Variants in PSMC2 observed in about 807,000 individuals in gnomAD.
The protein encoded by PSMC2 is 26S proteasome regulatory subunit 7.
A neutral mutation model predicts 53.3 loss-of-function variants in PSMC2; 7 were observed. The observed-to-expected ratio is 0.13, with a 90% CI of 0.07 to 0.25. The LOEUF is 0.25. PSMC2 is among the 10% of genes least tolerant of loss of function. PSMC2 has a pLI of 1.00. For synonymous variants in PSMC2, 169 were observed against 183.9 expected (o/e 0.92, Z 0.66); for missense variants, 241 against 544.0 (o/e 0.44, Z 5.54).
At chr7:103,358,986 AT>A (rs550195195) in intron 4 of PSMC2, among the ~76,000 whole-genome samples, 10,208 of 143,022 alleles carry the variant, frequency 0.071, 374 homozygotes, top group South Asian at 0.13. Flanking sequence ...TAGCTTGTGA[AT>A]TTTTTTTTTT....
At chr7:103,357,938 G>T (rs1820136840) in intron 4 of PSMC2, among the ~76,000 whole-genome samples, 1 of 152,010 alleles carries the variant, frequency 6.6e-6, no homozygotes, top group Non-Finnish European at 1.5e-5. Flanking sequence ...GTTTTTCCCA[G>T]CACCTTCTGA....
intron 1 of PSMC2, among the ~76,000 whole-genome samples, chr7:103,350,574 G>C (rs991770545): frequency 6.6e-6 from 1 of 152,052 alleles, no homozygotes; most frequent in Non-Finnish European, 1.5e-5. Context: ...TGCAGGCTGG[G>C]AACTCCTGGG....
Position 103,368,859 on chromosome 7 carries a change from A to G in PSMC2, c.*805A>G, listed in dbSNP as rs1405804647. 1 of 152,210 alleles carries G rather than the reference A, an allele frequency of 6.6e-6. No individual in the cohort carries two copies. The highest frequency in any genetic ancestry group is 1.5e-5 in the Non-Finnish European group (1 of 68,040). 9.4% of individuals were successfully genotyped at this position (152,210 alleles called of 1,614,324 possible). ...TTACAAATTACTTTAAAATTTTGGT[A>G]AAGTTTCTGTTAGGCTTCTGGTCTA... On this transcript the variant is annotated 3_prime_UTR_variant, in exon 12 of 12. Coordinates refer to ENST00000292644, the MANE Select transcript of PSMC2 (RefSeq NM_002803.4).
At chr7:103,347,925 G>T in intron 1 of PSMC2, 144 bp downstream of exon 1, 2 of 822,064 alleles carry the variant, frequency 2.4e-6, no homozygotes. Context: ...ACACCGGCCG[G>T]ATTAACTTGC....
In PSMC2 at chr7:103,368,121, C is replaced by CAATT. The variant is rs536745159; in HGVS notation, c.*68_*71dup. The CAATT allele has an allele frequency of 1.2e-4, 160 of 1,369,138 alleles. 1 individual carries two copies. In the African/African-American group the frequency reaches 2.2e-3, roughly 18 times the overall value. The allele number at this position is 1,369,138 out of a possible 1,614,324, so 84.8% of individuals were successfully genotyped here. A position where few individuals can be genotyped will look rare whatever the true frequency, so the allele number is the denominator to read the frequency against. On this transcript the variant is annotated 3_prime_UTR_variant, in exon 12 of 12. Coordinates refer to ENST00000292644, the MANE Select transcript of PSMC2 (RefSeq NM_002803.4). The stretch of plus-strand genomic sequence containing the variant: ...AACCTTATATAGACTTGTTAATAAC[C>CAATT]AATTCATAAACAAATAAATGGCTTC...
At chr7:103,365,877 G>A (rs376297931) in intron 8 of PSMC2, among the ~76,000 whole-genome samples, 199 bp from the exon 9 acceptor site, 6 of 151,640 alleles carry the variant, frequency 4.0e-5, no homozygotes, top group South Asian at 4.2e-4. Flanking sequence ...GCAGTGAGCC[G>A]AGCTCGCACC....
chr7:103,352,407 CTTTTTTTT>C (rs781095017), intron 1 of PSMC2, among the ~76,000 whole-genome samples: 2 of 118,724 alleles, frequency 1.7e-5, no homozygotes, highest in Non-Finnish European at 1.8e-5. Context: ...AGATTATAAT[CTTTTTTTT>C]TTTTTTTTTT....
chr7:103,360,722 G>T (rs114538454), intron 4 of PSMC2, among the ~76,000 whole-genome samples: 1,781 of 152,298 alleles, frequency 0.012, 34 homozygotes, highest in African/African-American at 0.041. Context: ...TACTATAGAA[G>T]GGGAAAGGCG....
Position 103,363,326 on chromosome 7 carries a change from T to G in PSMC2, c.496-18T>G. 1 of 1,586,070 alleles carries G rather than the reference T, an allele frequency of 6.3e-7. No individual in the cohort carries two copies. The highest frequency in any genetic ancestry group is 8.7e-7 in the Non-Finnish European group (1 of 1,154,434). ...AAAGCCTGTGACTGTATGTTGTACA[T>G]TTCTGTCCCTCTCTTAGGTGGAAGA... On this transcript the variant is annotated intron_variant, in intron 6 of 11. Coordinates refer to ENST00000292644, the MANE Select transcript of PSMC2 (RefSeq NM_002803.4).
rs561371757 is a variant in PSMC2 at position 103,353,601 on chromosome 7, G to A, written c.71-320G>A. ...GGATTATAGGCAGGAGCCACCGCAC[G>A]GGGCCTGCATTGTATTTCATTGTAT... On this transcript the variant is annotated intron_variant, in intron 1 of 11. Coordinates refer to ENST00000292644, the MANE Select transcript of PSMC2 (RefSeq NM_002803.4). Among the ~76,000 whole-genome samples the A allele has an allele frequency of 5.9e-5, 9 of 152,248 alleles. No homozygotes were observed. The South Asian group carries it at 1.2e-3, about 21-fold the overall frequency.
intron 5 of PSMC2, chr7:103,362,401 G>A: frequency 7.5e-7 from 1 of 1,335,384 alleles, no homozygotes; most frequent in Non-Finnish European, 9.6e-7. Flanking sequence ...GTGATGCTAA[G>A]TGTGTTAATG....
intron 4 of PSMC2, among the ~76,000 whole-genome samples, chr7:103,356,167 T>A (rs1820021786): frequency 6.6e-6 from 1 of 152,134 alleles, no homozygotes; most frequent in Non-Finnish European, 1.5e-5. Flanking sequence ...TTTTTTTTTT[T>A]AGATATAACT....
Position 103,352,136 on chromosome 7 carries a change from G to A in PSMC2, c.71-1785G>A, listed in dbSNP as rs1329006419. 2.4e-5 allele frequency among the ~76,000 whole-genome samples: 3 copies of A among 126,456 alleles called. No homozygotes were observed. The Admixed American group carries it at 3.0e-4, about 13-fold the overall frequency. The allele number at this position is 126,456 out of a possible 152,430, so 83.0% of individuals were successfully genotyped here. A position where few individuals can be genotyped will look rare whatever the true frequency, so the allele number is the denominator to read the frequency against. ...ACTTAATTTCCTATTACCGCCTAAT[G>A]TGTATACTATGTTTCAGCTTACCTG... On this transcript the variant is annotated intron_variant, in intron 1 of 11. Coordinates refer to ENST00000292644, the MANE Select transcript of PSMC2 (RefSeq NM_002803.4).
At position 103,353,979 on chromosome 7, in the gene PSMC2, C is replaced by A. The variant is rs201585618; in HGVS notation, c.108+21C>A. 3.2e-4 allele frequency: 490 copies of A among 1,548,860 alleles called. 3 individuals are homozygous for A. The African/African-American group carries it at 6.3e-3, about 20-fold the overall frequency. ...CTTATGTAAGTCCTTTCAGTGTCTA[C>A]AAACTATAGATGTTTTATGTTGAAA... On this transcript the variant is annotated intron_variant, in intron 2 of 11. Coordinates refer to ENST00000292644, the MANE Select transcript of PSMC2 (RefSeq NM_002803.4).
chr7:103,362,505 A>T, intron 5 of PSMC2, 181 bp from the exon 6 acceptor site: 1 of 1,414,934 alleles, frequency 7.1e-7, no homozygotes, highest in South Asian at 1.6e-5. Context: ...GTTGTTTGCG[A>T]CATTAGACAT....
At position 103,367,530 on chromosome 7, in the gene PSMC2, C is replaced by G; in HGVS notation, c.962C>G (p.Thr321Ser). ...GGCAATATTAAAGTGCTGATGGCCA[C>G]TAACAGACCTGATACTTTGGATCCA... ...PRGNIKVLMA[T>S]NRPDTLDPAL... The change falls in exon 10 of 12, where the codon ACT becomes AGT. Residue 321 changes from threonine (T) to serine (S), a missense_variant. Coordinates refer to ENST00000292644, the MANE Select transcript of PSMC2 (RefSeq NM_002803.4). This position sits in a 1 kb window ranked among gnomAD's most constrained non-coding sequence, Gnocchi z 6.1. 6.2e-7 allele frequency: 1 copy of G among 1,614,098 alleles called. No individual in the cohort carries two copies. Among genetic ancestry groups the G allele is most frequent in the Non-Finnish European group, 8.5e-7 (1 of 1,180,024 alleles).
chr7:103,354,229 T>G (rs532150196), intron 2 of PSMC2, among the ~76,000 whole-genome samples: 1 of 152,332 alleles, frequency 6.6e-6, no homozygotes, highest in Non-Finnish European at 1.5e-5. Flanking sequence ...TATTCGTGAT[T>G]AAAATGTGAT....
intron 1 of PSMC2, among the ~76,000 whole-genome samples, chr7:103,351,069 A>G (rs932912856): frequency 2.2e-4 from 34 of 152,036 alleles, no homozygotes; most frequent in Non-Finnish European, 4.9e-4. Context: ...CTTGGACTGT[A>G]TGTGCTTCCC....
intron 8 of PSMC2, among the ~76,000 whole-genome samples, chr7:103,364,958 C>CATATGTATATATATATAT (rs1820619230): frequency 8.0e-6 from 1 of 125,502 alleles, no homozygotes; most frequent in African/African-American, 2.9e-5. Flanking sequence ...TGTAGACATA[C>CATATGTATATATATATAT]ATATATATAT....
Sources: allele counts gnomAD v4.1 joint callset (sites outside exome capture counted in the v4.1 genomes callset), GRCh38; gene constraint gnomAD v4.1.1; non-coding constraint Gnocchi (gnomAD v3.1); transcripts MANE v1.5; gene names NCBI Gene and HGNC (gene_info 2026-07-23, HGNC 2026-07-21).